VTI1A: variants seen among roughly 807,000 people sequenced by gnomAD.
VTI1A encodes vesicle transport through interaction with t-SNAREs 1A.
Under a neutral mutation model 34.9 loss-of-function variants are expected in VTI1A, and 22 were observed. That is an observed-to-expected ratio of 0.63 (90% CI 0.45 to 0.90). The LOEUF is 0.90. VTI1A is among the 40% of genes least tolerant of loss of function. VTI1A has a pLI of 0.00. For synonymous variants in VTI1A, 87 were observed against 97.3 expected (o/e 0.89, Z 0.62); for missense variants, 268 against 275.6 (o/e 0.97, Z 0.20).
rs539688843 is a variant in VTI1A at position 112,462,896 on chromosome 10, T to A, written c.154-1651T>A. Among the ~76,000 whole-genome samples the A allele has an allele frequency of 2.6e-3, 378 of 144,836 alleles. 2 individuals carry two copies. Among genetic ancestry groups the A allele is most frequent in the South Asian group, 0.011 (51 of 4,528 alleles). On this transcript the variant is annotated intron_variant, in intron 2 of 7. Coordinates refer to ENST00000393077, the MANE Select transcript of VTI1A (RefSeq NM_145206.4). ...GGGCCAATTTGTTGTTGTTACTGGT[T>A]TTTATTTATTTATTTATTTATTTAT...
chr10:112,597,377 C>G (rs539628986), intron 5 of VTI1A, among the ~76,000 whole-genome samples: 1 of 152,092 alleles, frequency 6.6e-6, no homozygotes, highest in Admixed American at 6.5e-5. Context: ...GTCACCACCC[C>G]CTGGCTAATT....
intron 7 of VTI1A, among the ~76,000 whole-genome samples, chr10:112,790,053 T>C (rs1481482982): frequency 6.6e-6 from 1 of 152,122 alleles, no homozygotes. Context: ...TATTTTTAAG[T>C]AGCTTTTCTG....
At chr10:112,824,117 C>T in the VTI1A span, 1 of 152,298 alleles carries the variant, frequency 6.6e-6, no homozygotes, top group Non-Finnish European at 1.5e-5. Flanking sequence ...TGCCTCATCC[C>T]CACCCACTGC....
At chr10:112,769,705 G>A (rs1851746093) in intron 7 of VTI1A, among the ~76,000 whole-genome samples, 1 of 152,138 alleles carries the variant, frequency 6.6e-6, no homozygotes, top group Admixed American at 6.5e-5. Context: ...GCCTAGTATT[G>A]GAAAGGTATA....
chr10:112,691,879 G>A lies in VTI1A; in HGVS notation c.560+22881G>A, dbSNP rs552869965. Among the ~76,000 whole-genome samples the A allele has an allele frequency of 2.0e-5, 3 of 152,326 alleles. No individual in the cohort carries two copies. The South Asian group carries it at 6.2e-4, about 32-fold the overall frequency. On this transcript the variant is annotated intron_variant, in intron 7 of 7. Transcript: ENST00000393077. ...TCTGAATTCAAGGACACCATTCAGG[G>A]AGACTCAATTGGGATCACTGCATTC...
intron 5 of VTI1A, among the ~76,000 whole-genome samples, chr10:112,613,432 T>G (rs565630210): frequency 6.6e-6 from 1 of 152,304 alleles, no homozygotes; most frequent in South Asian, 2.1e-4. Context: ...TACAAAGATG[T>G]CTAAAAACAC....
intron 5 of VTI1A, among the ~76,000 whole-genome samples, chr10:112,603,129 A>G (rs1325173): frequency 0.83 from 125,974 of 152,292 alleles, 52,806 homozygotes; most frequent in African/African-American, 0.94. Flanking sequence ...AAATTGTATT[A>G]CCATGCTGGC....
intron 6 of VTI1A, 118 bp from the exon 7 acceptor site, chr10:112,668,819 T>G (rs1277209474): frequency 9.4e-7 from 1 of 1,061,288 alleles, no homozygotes; most frequent in Non-Finnish European, 1.4e-6. Flanking sequence ...TTTATTTTTG[T>G]GTATTTGAAC....
intron 3 of VTI1A, among the ~76,000 whole-genome samples, chr10:112,515,338 T>A (rs1849739997): frequency 6.6e-6 from 1 of 152,012 alleles, no homozygotes; most frequent in Non-Finnish European, 1.5e-5. Context: ...TATTGATGAG[T>A]AGACATATTA....
At position 112,497,439 on chromosome 10, in the gene VTI1A, G is replaced by A. The variant is rs1849068896; in HGVS notation, c.265-29648G>A. Among the ~76,000 whole-genome samples the A allele has an allele frequency of 2.0e-5, 3 of 152,214 alleles. No individual in the cohort carries two copies. The East Asian group carries it at 5.8e-4, about 29-fold the overall frequency. ...CTTGGGCAAATTATTTAATGTCTGT[G>A]CTTCAGTTTTCCTATCTGTAAAATG... On this transcript the variant is annotated intron_variant, in intron 3 of 7. Coordinates refer to ENST00000393077, the MANE Select transcript of VTI1A (RefSeq NM_145206.4).
At chr10:112,458,074 A>G (rs1326795234) in intron 1 of VTI1A, among the ~76,000 whole-genome samples, 1 of 152,180 alleles carries the variant, frequency 6.6e-6, no homozygotes, top group Non-Finnish European at 1.5e-5. Context: ...CCTTGCTTTC[A>G]AGAAAATTGA....
At position 112,447,276 on chromosome 10, in the gene VTI1A, C is replaced by A; in HGVS notation, c.-98C>A. 1 of 1,332,366 alleles carries A rather than the reference C, an allele frequency of 7.5e-7. No homozygotes were observed. 82.5% of individuals were successfully genotyped at this position (1,332,366 alleles called of 1,614,324 possible). ...CGGTTCTCCGTTCTGCTCTCGGGGG[C>A]ACCTTCCGGGGTTCCTAAGCCGCGG... On this transcript the variant is annotated 5_prime_UTR_variant, in exon 1 of 8. Coordinates refer to ENST00000393077, the MANE Select transcript of VTI1A (RefSeq NM_145206.4).
chr10:112,650,133 A>G (rs1037634749), intron 5 of VTI1A, among the ~76,000 whole-genome samples: 7 of 152,356 alleles, frequency 4.6e-5, no homozygotes, highest in African/African-American at 1.7e-4. Context: ...TTCTTTCGTA[A>G]TAACGCTTAG....
intron 5 of VTI1A, among the ~76,000 whole-genome samples, chr10:112,596,971 G>A (rs929685948): frequency 2.0e-5 from 3 of 152,084 alleles, no homozygotes; most frequent in African/African-American, 7.2e-5. Context: ...TTTTAAATTA[G>A]TTTTTCGTTT....
At chr10:112,501,646 C>A (rs1849239455) in intron 3 of VTI1A, among the ~76,000 whole-genome samples, 1 of 138,048 alleles carries the variant, frequency 7.2e-6, no homozygotes, top group Admixed American at 7.5e-5. Flanking sequence ...TTGCTACTCC[C>A]TCCCCAACCC....
the VTI1A span, among the ~76,000 whole-genome samples, chr10:112,842,051 C>CTTTTTTTTTTTTTTT: frequency 7.5e-5 from 5 of 66,646 alleles, no homozygotes; most frequent in African/African-American, 1.2e-4. Flanking sequence ...TTTTTTTTTC[C>CTTTTTTTTTTTTTTT]TTTTTTTTTT....
intron 1 of VTI1A, chr10:112,448,259 T>C (rs1232119484): frequency 6.6e-6 from 1 of 152,194 alleles, no homozygotes. Context: ...TCATCCTTCT[T>C]GGGGATTTAT....
chr10:112,499,774 T>C (rs1849159368), intron 3 of VTI1A, among the ~76,000 whole-genome samples: 1 of 152,256 alleles, frequency 6.6e-6, no homozygotes, highest in Non-Finnish European at 1.5e-5. Context: ...AGACATTTCA[T>C]ACTTGTTTCT....
chr10:112,651,853 T>G (rs1346295329), intron 5 of VTI1A, among the ~76,000 whole-genome samples: 2 of 152,176 alleles, frequency 1.3e-5, no homozygotes, highest in African/African-American at 4.8e-5. Flanking sequence ...TCCAAGTCTG[T>G]TTTATCAAAG....
Sources: allele counts gnomAD v4.1 joint callset (sites outside exome capture counted in the v4.1 genomes callset), GRCh38; gene constraint gnomAD v4.1.1; transcripts MANE v1.5; gene names NCBI Gene and HGNC (gene_info 2026-07-23, HGNC 2026-07-21).